Variants in TXNDC9 observed in about 807,000 individuals in gnomAD.
TXNDC9 encodes thioredoxin domain-containing protein 9.
A neutral mutation model predicts 23.0 loss-of-function variants in TXNDC9; 7 were observed. The ratio of observed to expected loss-of-function variants is 0.30; its 90% CI spans 0.17 to 0.57. The LOEUF (loss-of-function observed/expected upper bound fraction) is 0.57. Among genes scored for constraint, TXNDC9 ranks in the 20% least tolerant of loss-of-function variants. The pLI, the probability that TXNDC9 is intolerant of heterozygous loss-of-function variation, is 0.90. For synonymous variants in TXNDC9, 72 were observed against 90.6 expected (o/e 0.79, Z 1.17); for missense variants, 198 against 252.6 (o/e 0.78, Z 1.47).
At chr2:99,332,969 T>C in intron 2 of TXNDC9, 53 bp downstream of exon 2, 1 of 1,414,830 alleles carries the variant, frequency 7.1e-7, no homozygotes, top group South Asian at 1.2e-5. Flanking sequence ...TATATATAAG[T>C]TGTTAGGCGC....
downstream of TXNDC9, among the ~76,000 whole-genome samples, chr2:99,314,059 T>G (rs945765159): frequency 6.6e-5 from 10 of 152,202 alleles, no homozygotes; most frequent in Admixed American, 6.5e-5. Context: ...GTGATAAAGT[T>G]TTTGGTTTTT....
chr2:99,318,191 C>A (rs1017360178), downstream of TXNDC9, among the ~76,000 whole-genome samples: 15 of 152,106 alleles, frequency 9.9e-5, no homozygotes, highest in Admixed American at 2.0e-4. Context: ...GTGCCAGGCT[C>A]TTTCTGTTGA....
At chr2:99,321,440 T>C (rs1293544783) in intron 4 of TXNDC9, 2 of 152,252 alleles carry the variant, frequency 1.3e-5, no homozygotes, top group Admixed American at 6.5e-5. Flanking sequence ...TAGCAAGCAA[T>C]GTAAGCTAGG....
chr2:99,311,636 T>C, the TXNDC9 span, among the ~76,000 whole-genome samples: 2 of 151,802 alleles, frequency 1.3e-5, no homozygotes, highest in African/African-American at 4.8e-5. Flanking sequence ...CCGTCCTCTA[T>C]CCTTGGCCTT....
In TXNDC9 at chr2:99,322,392, G is replaced by C. The variant is rs1245849335; in HGVS notation, c.309-183C>G. 4.9e-6 allele frequency: 6 copies of C among 1,214,682 alleles called. No individual in the cohort carries two copies. The African/African-American group carries it at 9.2e-5, about 19-fold the overall frequency. 75.2% of individuals were successfully genotyped at this position (1,214,682 alleles called of 1,614,324 possible). A position where few individuals can be genotyped will look rare whatever the true frequency, so the allele number is the denominator to read the frequency against. On this transcript the variant is annotated intron_variant, in intron 3 of 4. Coordinates refer to ENST00000264255, the MANE Select transcript of TXNDC9 (RefSeq NM_005783.4). ...TCAGAGGTTAGCTGCCTGATTACGAGATGGGAAAACAGCCTATAAGATTCT... is the reference window on the plus strand; with the variant it reads ...TCAGAGGTTAGCTGCCTGATTACGACATGGGAAAACAGCCTATAAGATTCT...
intron 3 of TXNDC9, among the ~76,000 whole-genome samples, chr2:99,323,804 A>G (rs552466877): frequency 9.2e-5 from 14 of 152,172 alleles, no homozygotes; most frequent in Admixed American, 3.9e-4. Flanking sequence ...AATCTTTTAG[A>G]CCGGTGGTTC....
At chr2:99,316,849 C>T (rs896279497), downstream of TXNDC9, among the ~76,000 whole-genome samples, 3 of 152,084 alleles carry the variant, frequency 2.0e-5, no homozygotes, top group Middle Eastern at 3.2e-3. Flanking sequence ...CTCCGCCTCC[C>T]GGGTTCACGC....
chr2:99,312,371 C>T, the TXNDC9 span, among the ~76,000 whole-genome samples: 4 of 151,822 alleles, frequency 2.6e-5, no homozygotes, highest in Admixed American at 6.6e-5. Context: ...ATGGTACATG[C>T]TTGTACTCCC....
chr2:99,336,308 G>A lies in TXNDC9; in HGVS notation c.-102C>T. ...AAAAGACACGTCCACTCCGGCTTTTGCCTTGCAGTAGCTGCCGGCGGCTGC... is the reference window on the plus strand; with the variant it reads ...AAAAGACACGTCCACTCCGGCTTTTACCTTGCAGTAGCTGCCGGCGGCTGC... On this transcript the variant is annotated 5_prime_UTR_variant, in exon 1 of 5. Coordinates refer to ENST00000264255, the MANE Select transcript of TXNDC9 (RefSeq NM_005783.4). 1 of 985,528 alleles carries A rather than the reference G, an allele frequency of 1.0e-6. No homozygotes were observed. The highest frequency in any genetic ancestry group is 1.7e-5 in the African/African-American group (1 of 57,366). The allele number at this position is 985,528 out of a possible 1,614,324, so 61.0% of individuals were successfully genotyped here.
At chr2:99,307,025 T>TC in the TXNDC9 span, among the ~76,000 whole-genome samples, 1 of 91,756 alleles carries the variant, frequency 1.1e-5, no homozygotes, top group Non-Finnish European at 2.4e-5. Flanking sequence ...CTTCCTTCCT[T>TC]CCTTCTTCCT....
chr2:99,316,590 A>G (rs950786678), downstream of TXNDC9, among the ~76,000 whole-genome samples: 1 of 151,658 alleles, frequency 6.6e-6, no homozygotes, highest in African/African-American at 2.4e-5. Context: ...TTGATCTTGG[A>G]TTAATGTTTT....
downstream of TXNDC9, among the ~76,000 whole-genome samples, chr2:99,316,810 G>A (rs2094190102): frequency 6.6e-6 from 1 of 152,002 alleles, no homozygotes; most frequent in Non-Finnish European, 1.5e-5. Context: ...AGGCTGGAGT[G>A]CAGTGGCGCA....
intron 3 of TXNDC9, among the ~76,000 whole-genome samples, chr2:99,327,073 T>C (rs2094214194): frequency 1.3e-5 from 2 of 152,236 alleles, no homozygotes; most frequent in Admixed American, 6.5e-5. Flanking sequence ...CAATTAACTT[T>C]TTTTTTCTTT....
chr2:99,320,496 T>G (rs1032032449), intron 4 of TXNDC9, among the ~76,000 whole-genome samples: 2 of 152,124 alleles, frequency 1.3e-5, no homozygotes, highest in Non-Finnish European at 2.9e-5. Context: ...TGGGAGATGT[T>G]CTCCAAAATA....
chr2:99,329,184 C>T (rs1012386717), intron 2 of TXNDC9, among the ~76,000 whole-genome samples: 8 of 152,188 alleles, frequency 5.3e-5, no homozygotes, highest in Non-Finnish European at 1.2e-4. Context: ...TAATTCTGGT[C>T]TGTGGATTCC....
chr2:99,320,603 G>C (rs1421617620), intron 4 of TXNDC9, among the ~76,000 whole-genome samples: 1 of 152,176 alleles, frequency 6.6e-6, no homozygotes, highest in Non-Finnish European at 1.5e-5. Flanking sequence ...TTTTTGGTAT[G>C]AAGGACAATT....
chr2:99,331,608 A>G (rs2094225775), intron 2 of TXNDC9, among the ~76,000 whole-genome samples: 1 of 152,190 alleles, frequency 6.6e-6, no homozygotes, highest in South Asian at 2.1e-4. Context: ...ACTCTATTTT[A>G]GAAACTCAAA....
the TXNDC9 span, among the ~76,000 whole-genome samples, chr2:99,308,596 CGT>C: frequency 6.7e-6 from 1 of 149,974 alleles, no homozygotes; most frequent in Non-Finnish European, 1.5e-5. Flanking sequence ...TGTGTGTGTA[CGT>C]GTGTGTGTGT....
downstream of TXNDC9, among the ~76,000 whole-genome samples, chr2:99,314,645 C>A (rs957659426): frequency 6.8e-6 from 1 of 148,062 alleles, no homozygotes; most frequent in Non-Finnish European, 1.5e-5. Flanking sequence ...ACTCTCCCAT[C>A]TCAGCCTCCT....
Sources: allele counts gnomAD v4.1 joint callset (sites outside exome capture counted in the v4.1 genomes callset), GRCh38; gene constraint gnomAD v4.1.1; transcripts MANE v1.5; gene names NCBI Gene and HGNC (gene_info 2026-07-23, HGNC 2026-07-21).